The following SDK1 variants were observed in gnomAD, a reference collection of about 807,000 sequenced individuals.
SDK1 encodes the protein sidekick cell adhesion molecule 1, also known as protein sidekick-1.
Under a neutral mutation model 245.5 loss-of-function variants are expected in SDK1, and 157 were observed. The observed-to-expected ratio is 0.64, with a 90% CI of 0.56 to 0.73. The LOEUF is 0.73. Ranked by LOEUF, SDK1 falls within the 30% of genes least tolerant of loss-of-function variation. SDK1 has a pLI of 0.00. For synonymous variants in SDK1, 1,647 were observed against 1,278.5 expected (o/e 1.29, Z -6.15); for missense variants, 3,583 against 3,002.3 (o/e 1.19, Z -4.52).
intron 17 of SDK1, among the ~76,000 whole-genome samples, chr7:4,028,155 G>T (rs1447167994): frequency 1.3e-5 from 2 of 152,040 alleles, no homozygotes; most frequent in Non-Finnish European, 2.9e-5. Flanking sequence ...CAAATTCTCG[G>T]GCCTTACTCC....
chr7:3,851,909 C>A (rs1408640240), intron 5 of SDK1, among the ~76,000 whole-genome samples: 1 of 152,098 alleles, frequency 6.6e-6, no homozygotes, highest in Non-Finnish European at 1.5e-5. Flanking sequence ...CAGATTTTGA[C>A]AAATAAGAGA....
chr7:3,590,640 T>C (rs10951254), intron 1 of SDK1, among the ~76,000 whole-genome samples: 48,753 of 151,992 alleles, frequency 0.32, 8,092 homozygotes, highest in South Asian at 0.46. Flanking sequence ...CTGTATGTGG[T>C]ATCCTCCAGT....
intron 1 of SDK1, among the ~76,000 whole-genome samples, chr7:3,376,724 G>A (rs777446623): frequency 6.6e-6 from 1 of 152,046 alleles, no homozygotes; most frequent in South Asian, 2.1e-4. Context: ...TACCAAATGA[G>A]TGCACATTGA....
intron 5 of SDK1, among the ~76,000 whole-genome samples, chr7:3,900,496 TCGTCCTGCCCATC>T (rs1023427444): frequency 1.8e-4 from 28 of 152,328 alleles, no homozygotes; most frequent in Admixed American, 1.8e-3. Flanking sequence ...ATTGCTTCTC[TCGTCCTGCCCATC>T]CTTCTTGGCT....
intron 4 of SDK1, among the ~76,000 whole-genome samples, chr7:3,797,389 T>A (rs919185822): frequency 1.2e-4 from 19 of 152,026 alleles, no homozygotes; most frequent in Non-Finnish European, 2.2e-4. Flanking sequence ...AGCTAATGTA[T>A]ATTTTCTTAT....
intron 5 of SDK1, among the ~76,000 whole-genome samples, chr7:3,837,166 C>T (rs1780046308): frequency 6.6e-6 from 1 of 152,158 alleles, no homozygotes; most frequent in African/African-American, 2.4e-5. Flanking sequence ...CAGTCCATAA[C>T]GACTTACACA....
At position 3,721,217 on chromosome 7, in the gene SDK1, G is replaced by A. The variant is rs566095088; in HGVS notation, c.713+79112G>A. Reference sequence around the variant, plus strand: ...GTGGTAGTTACATAAAGCTACGCGTGTGATAAAATTGCATAGAGTGTATTT... The same window carrying A: ...GTGGTAGTTACATAAAGCTACGCGTATGATAAAATTGCATAGAGTGTATTT... On this transcript the variant is annotated intron_variant, in intron 4 of 44. Coordinates refer to ENST00000404826, the MANE Select transcript of SDK1 (RefSeq NM_152744.4). Among the ~76,000 whole-genome samples the A allele has an allele frequency of 5.3e-5, 8 of 152,308 alleles. No individual in the cohort carries two copies. In the East Asian group the frequency reaches 1.5e-3, roughly 29 times the overall value.
At chr7:3,370,715 A>G (rs1348566543) in intron 1 of SDK1, among the ~76,000 whole-genome samples, 1 of 152,236 alleles carries the variant, frequency 6.6e-6, no homozygotes, top group African/African-American at 2.4e-5. Flanking sequence ...TATATAGCAC[A>G]TGTTCTATTC....
intron 1 of SDK1, among the ~76,000 whole-genome samples, chr7:3,405,338 A>C (rs910630759): frequency 6.6e-6 from 1 of 152,164 alleles, no homozygotes; most frequent in Non-Finnish European, 1.5e-5. Flanking sequence ...TGTCCAGAAG[A>C]TTCAGAGCCT....
chr7:3,814,557 G>T (rs931540005), intron 4 of SDK1, among the ~76,000 whole-genome samples: 4 of 151,680 alleles, frequency 2.6e-5, no homozygotes, highest in South Asian at 2.1e-4. Flanking sequence ...GATGCCTCCA[G>T]CTTTGTTCTT....
At chr7:3,703,214 C>T (rs559834138) in intron 4 of SDK1, among the ~76,000 whole-genome samples, 8 of 152,180 alleles carry the variant, frequency 5.3e-5, no homozygotes, top group East Asian at 3.9e-4. Flanking sequence ...AAATAACCCA[C>T]GTATTTTTCA....
intron 1 of SDK1, among the ~76,000 whole-genome samples, chr7:3,309,901 C>A (rs1409341179): frequency 6.6e-6 from 1 of 152,122 alleles, no homozygotes; most frequent in Non-Finnish European, 1.5e-5. Context: ...GTTGTCTTAG[C>A]TAAAACTCCT....
At chr7:3,772,047 A>G (rs530491341) in intron 4 of SDK1, among the ~76,000 whole-genome samples, 2 of 152,306 alleles carry the variant, frequency 1.3e-5, no homozygotes, top group Non-Finnish European at 2.9e-5. Flanking sequence ...CACCTAATGT[A>G]ATGTCCTCAA....
chr7:4,069,427 C>G (rs916472965), intron 20 of SDK1, among the ~76,000 whole-genome samples: 14 of 152,238 alleles, frequency 9.2e-5, no homozygotes, highest in Admixed American at 9.2e-4. Flanking sequence ...TCTCATGTCC[C>G]GGCAGGGGCT....
intron 1 of SDK1, among the ~76,000 whole-genome samples, chr7:3,590,469 G>A (rs1427248946): frequency 1.3e-5 from 2 of 152,046 alleles, no homozygotes; most frequent in Non-Finnish European, 2.9e-5. Flanking sequence ...ACCAACAAGT[G>A]AATTGACGAT....
chr7:3,435,753 A>C (rs531523480), intron 1 of SDK1, among the ~76,000 whole-genome samples: 2 of 152,090 alleles, frequency 1.3e-5, no homozygotes, highest in Non-Finnish European at 2.9e-5. Context: ...CCTGTCTTCT[A>C]AGGGACATCT....
intron 5 of SDK1, among the ~76,000 whole-genome samples, chr7:3,836,032 A>C (rs1780022116): frequency 6.6e-6 from 1 of 152,198 alleles, no homozygotes; most frequent in African/African-American, 2.4e-5. Flanking sequence ...TATAGAGAAA[A>C]TATGGGAGAT....
At chr7:3,865,820 A>G (rs1430968666) in intron 5 of SDK1, among the ~76,000 whole-genome samples, 1 of 152,026 alleles carries the variant, frequency 6.6e-6, no homozygotes, top group East Asian at 1.9e-4. Context: ...TTAACCCATC[A>G]GTTTTATGGA....
chr7:3,834,006 A>G (rs1301653351), intron 5 of SDK1, among the ~76,000 whole-genome samples: 1 of 152,176 alleles, frequency 6.6e-6, no homozygotes, highest in Non-Finnish European at 1.5e-5. Context: ...TATCATCTCA[A>G]CCTGGAAGGA....
Sources: allele counts gnomAD v4.1 joint callset (sites outside exome capture counted in the v4.1 genomes callset), GRCh38; gene constraint gnomAD v4.1.1; transcripts MANE v1.5; gene names NCBI Gene and HGNC (gene_info 2026-07-23, HGNC 2026-07-21).